PATJ: variants seen among roughly 807,000 people sequenced by gnomAD.
PATJ encodes the protein inaD-like protein.
In PATJ, 190 loss-of-function variants were observed where a neutral mutation model predicts 224.9. The observed-to-expected ratio is 0.84, with a 90% confidence interval of 0.75 to 0.95. The LOEUF (loss-of-function observed/expected upper bound fraction) is 0.95, where lower values mean the gene tolerates loss of function less well. PATJ is among the 40% of genes least tolerant of loss of function. The pLI is 0.00. For missense variants in PATJ, 2,121 were observed against 2,270.3 expected (o/e 0.93, Z 1.34); for synonymous variants, 769 against 820.3 (o/e 0.94, Z 1.07).
chr1:62,039,807 A>T (rs897431973), intron 30 of PATJ, among the ~76,000 whole-genome samples: 16 of 152,174 alleles, frequency 1.1e-4, no homozygotes, highest in African/African-American at 3.6e-4. Flanking sequence ...GGGGAGGTCC[A>T]TGTGCTAGCT....
At chr1:61,908,295 T>G (rs1672132366) in intron 24 of PATJ, 77 bp from the exon 25 acceptor site, 1 of 919,486 alleles carries the variant, frequency 1.1e-6, no homozygotes, top group African/African-American at 1.6e-5. Flanking sequence ...AACTAGATAA[T>G]GCACATGAAC....
At chr1:61,933,539 CAAAAAAAAAAAA>C (rs796818712) in intron 27 of PATJ, among the ~76,000 whole-genome samples, 1 of 71,886 alleles carries the variant, frequency 1.4e-5, no homozygotes, top group Non-Finnish European at 3.2e-5. Context: ...GACTCCATCT[CAAAAAAAAAAAA>C]AAAAGGAAAA....
intron 9 of PATJ, among the ~76,000 whole-genome samples, chr1:61,795,145 A>G (rs1650810644): frequency 6.6e-6 from 1 of 151,706 alleles, no homozygotes; most frequent in Non-Finnish European, 1.5e-5. Flanking sequence ...CACATCAGTA[A>G]TAAGAGTAGA....
intron 27 of PATJ, among the ~76,000 whole-genome samples, chr1:61,940,343 C>A (rs1677612881): frequency 6.6e-6 from 1 of 152,098 alleles, no homozygotes; most frequent in Admixed American, 6.5e-5. Flanking sequence ...GAAATGCTAG[C>A]AGAAGTGCTA....
Position 61,801,660 on chromosome 1 carries a change from T to C in PATJ, c.1440T>C (p.Phe480=), listed in dbSNP as rs1652528862. 1 of 1,598,946 alleles carries C rather than the reference T, an allele frequency of 6.3e-7. No individual in the cohort carries two copies. The highest frequency in any genetic ancestry group is 1.3e-5 in the African/African-American group (1 of 74,622). Residue 480 remains phenylalanine, a synonymous_variant, in exon 12 of 44, where the codon TTT becomes TTC. Transcript: ENST00000642238. ...VVEPLKPPAL[F]LTGAVETETN... ...AACCACTGAAACCACCAGCTCTCTT[T>C]CTAACTGGAGCAGTGGAAACTGAAA... is the stretch of plus-strand genomic sequence containing the variant.
chr1:62,108,223 T>C (rs17123079), intron 33 of PATJ, among the ~76,000 whole-genome samples: 2,524 of 152,330 alleles, frequency 0.017, 54 homozygotes, highest in South Asian at 0.084. Context: ...CATGAAGTAT[T>C]AGGCAGAGCC....
intron 28 of PATJ, among the ~76,000 whole-genome samples, chr1:62,010,089 A>G (rs891635486): frequency 6.2e-4 from 94 of 151,310 alleles, no homozygotes; most frequent in African/African-American, 2.2e-3. Context: ...AAAAAAAAAA[A>G]AAAAAAAGAA....
intron 27 of PATJ, among the ~76,000 whole-genome samples, chr1:61,934,703 C>T (rs1201449508): frequency 6.6e-6 from 1 of 152,078 alleles, no homozygotes; most frequent in Non-Finnish European, 1.5e-5. Context: ...TAATATCTGT[C>T]TTCCCCACTT....
chr1:62,028,816 T>C (rs911284737), intron 29 of PATJ, among the ~76,000 whole-genome samples: 3 of 151,856 alleles, frequency 2.0e-5, no homozygotes, highest in African/African-American at 4.8e-5. Context: ...AAGCCAGAAA[T>C]GGTAGCCTGT....
At position 62,051,021 on chromosome 1, in the gene PATJ, G is replaced by C. The variant is rs774790251; in HGVS notation, c.4088G>C (p.Gly1363Ala). Residue 1363 changes from glycine (G) to alanine (A), a missense_variant, in exon 31 of 44, where the codon GGT (glycine) becomes GCT (alanine). By Grantham distance (60) the Gly-to-Ala change is moderately conservative. Transcript: ENST00000642238. ...SSEEDGSVEV[G>A]IKQLPESESF... ...GAGGAAGATGGCAGCGTCGAAGTTG[G>C]TATTAAACAATTGCCTGAAAGTGAA... The C allele has an allele frequency of 3.7e-6, 6 of 1,613,912 alleles. No homozygotes were observed. The South Asian group carries it at 5.5e-5, about 15-fold the overall frequency.
At chr1:61,809,936 C>T (rs1344140604) in intron 14 of PATJ, among the ~76,000 whole-genome samples, 2 of 150,984 alleles carry the variant, frequency 1.3e-5, no homozygotes, top group African/African-American at 4.9e-5. Context: ...ACCTTCGCCT[C>T]CTGGGTTCAA....
At chr1:62,043,886 C>T (rs1462835789) in intron 30 of PATJ, among the ~76,000 whole-genome samples, 1 of 152,038 alleles carries the variant, frequency 6.6e-6, no homozygotes, top group East Asian at 1.9e-4. Flanking sequence ...CACCACCATA[C>T]CTGGCTACTA....
chr1:61,790,520 T>G (rs1649599362), intron 8 of PATJ, among the ~76,000 whole-genome samples: 1 of 145,900 alleles, frequency 6.9e-6, no homozygotes, highest in Non-Finnish European at 1.5e-5. Flanking sequence ...TTTTTGTTTT[T>G]TTTTTTTGTT....
chr1:62,123,176 T>C, intron 39 of PATJ, 118 bp downstream of exon 39: 1 of 700,248 alleles, frequency 1.4e-6, no homozygotes, highest in Non-Finnish European at 2.5e-6. Flanking sequence ...GTTACTGAGA[T>C]AAAAATATGG....
At chr1:61,926,476 A>G (rs575165908) in intron 26 of PATJ, among the ~76,000 whole-genome samples, 1 of 152,208 alleles carries the variant, frequency 6.6e-6, no homozygotes, top group Non-Finnish European at 1.5e-5. Flanking sequence ...TGTCTTTGAT[A>G]TAGAATATCC....
intron 17 of PATJ, among the ~76,000 whole-genome samples, chr1:61,846,944 G>A (rs931082879): frequency 6.6e-6 from 1 of 152,198 alleles, no homozygotes; most frequent in African/African-American, 2.4e-5. Flanking sequence ...TCTGCCTGGT[G>A]GAACCTTAGG....
At chr1:61,946,578 G>T (rs999930732) in intron 27 of PATJ, among the ~76,000 whole-genome samples, 4 of 152,090 alleles carry the variant, frequency 2.6e-5, no homozygotes, top group Admixed American at 2.6e-4. Context: ...ATAATTAATA[G>T]CCTACCAACC....
At chr1:61,891,127 A>G (rs964079203) in intron 22 of PATJ, among the ~76,000 whole-genome samples, 9 of 152,306 alleles carry the variant, frequency 5.9e-5, no homozygotes, top group Admixed American at 2.6e-4. Flanking sequence ...TGAACTTTAG[A>G]AGAAAGACAT....
chr1:61,746,484 G>A (rs2148139412), intron 1 of PATJ, among the ~76,000 whole-genome samples: 1 of 152,308 alleles, frequency 6.6e-6, no homozygotes, highest in East Asian at 1.9e-4. Flanking sequence ...GAGAGTGTCA[G>A]AGATATTTCT....
Sources: allele counts gnomAD v4.1 joint callset (sites outside exome capture counted in the v4.1 genomes callset), GRCh38; gene constraint gnomAD v4.1.1; transcripts MANE v1.5; gene names NCBI Gene and HGNC (gene_info 2026-07-23, HGNC 2026-07-21).